ZNF101: variants seen among roughly 807,000 people sequenced by gnomAD.
The protein encoded by ZNF101 is zinc finger protein 101.
In ZNF101, 34 loss-of-function variants were observed where a neutral mutation model predicts 42.6. The ratio of observed to expected loss-of-function variants is 0.80; its 90% confidence interval spans 0.61 to 1.06. The LOEUF is 1.06. Among genes scored for constraint, ZNF101 ranks in the 50% least tolerant of loss-of-function variants. The pLI, the probability that ZNF101 is intolerant of heterozygous loss-of-function variation, is 0.00. For synonymous variants in ZNF101, 158 were observed against 183.9 expected (o/e 0.86, Z 1.14); for missense variants, 466 against 530.9 (o/e 0.88, Z 1.20).
intron 1 of ZNF101, chr19:19,677,454 A>AC (rs1300900659): frequency 5.6e-6 from 1 of 178,580 alleles, no homozygotes; most frequent in South Asian, 1.2e-4. Flanking sequence ...GTCTAAGTTG[A>AC]CCCCGATAGT....
intron 1 of ZNF101, chr19:19,677,011 CAT>C (rs2062206553): frequency 6.6e-6 from 1 of 152,160 alleles, no homozygotes; most frequent in South Asian, 2.1e-4. Context: ...TCTAGGAACA[CAT>C]GTTATCTTTC....
upstream of ZNF101, among the ~76,000 whole-genome samples, chr19:19,668,287 T>C (rs528125095): frequency 1.9e-4 from 29 of 152,134 alleles, no homozygotes; most frequent in South Asian, 5.0e-3. Context: ...CAGGGCTTTA[T>C]AGGGCGAGGA....
intron 1 of ZNF101, among the ~76,000 whole-genome samples, chr19:19,672,567 C>G (rs1446286305): frequency 3.3e-5 from 5 of 151,812 alleles, no homozygotes; most frequent in African/African-American, 1.2e-4. Context: ...TCTCTGTTGC[C>G]CAGGCTGGAG....
intron 1 of ZNF101, among the ~76,000 whole-genome samples, chr19:19,671,603 C>T (rs2062170742): frequency 6.6e-6 from 1 of 151,834 alleles, no homozygotes; most frequent in Admixed American, 6.6e-5. Flanking sequence ...GGGTTCACGC[C>T]ATTCTCCTGC....
upstream of ZNF101, among the ~76,000 whole-genome samples, chr19:19,668,253 G>A (rs1303583442): frequency 6.6e-6 from 1 of 152,104 alleles, no homozygotes; most frequent in East Asian, 1.9e-4. Flanking sequence ...AGTTAGAGGA[G>A]GCAGCCCCGC....
chr19:19,678,539 C>T (rs749123034), intron 2 of ZNF101, among the ~76,000 whole-genome samples, 187 bp from the exon 3 acceptor site: 20 of 151,462 alleles, frequency 1.3e-4, no homozygotes, highest in Non-Finnish European at 2.1e-4. Flanking sequence ...CACTAGAACT[C>T]AGGAGGCGGA....
chr19:19,679,382 G>T lies in ZNF101; in HGVS notation c.393G>T (p.Glu131Asp). 1 of 1,614,096 alleles carries T rather than the reference G, an allele frequency of 6.2e-7. No homozygotes were observed. Among genetic ancestry groups the T allele is most frequent in the African/African-American group, 1.3e-5 (1 of 75,040 alleles). The change falls in exon 4 of 4, where the codon GAG (glutamate) becomes GAT (aspartate). Residue 131 changes from glutamate to aspartate, a missense_variant. Glu to Asp is a conservative substitution (Grantham distance 45, BLOSUM62 2). Transcript: ENST00000592502. ...MRAHAGHKRS[E>D]CGGEWRETPR... ...CTCATGCTGGACACAAACGATCTGA[G>T]TGTGGTGGGGAATGGAGAGAGACGC... is the stretch of plus-strand genomic sequence containing the variant.
chr19:19,678,615 C>CA (rs71172513), intron 2 of ZNF101, 111 bp from the exon 3 acceptor site: 46,018 of 747,490 alleles, frequency 0.062, 3 homozygotes, highest in East Asian at 0.076. Context: ...ACTTTGTCTC[C>CA]AAAAAAAAAA....
chr19:19,675,815 C>A (rs1198325509), intron 1 of ZNF101, among the ~76,000 whole-genome samples: 1 of 152,042 alleles, frequency 6.6e-6, no homozygotes, highest in Non-Finnish European at 1.5e-5. Flanking sequence ...TTGAGAGGAG[C>A]CTGGGCAACA....
At chr19:19,675,597 A>C (rs2062197841) in intron 1 of ZNF101, among the ~76,000 whole-genome samples, 1 of 152,214 alleles carries the variant, frequency 6.6e-6, no homozygotes, top group South Asian at 2.1e-4. Context: ...TTCTGAAATT[A>C]AGCCTGAGTT....
At chr19:19,670,626 G>A (rs76313565) in intron 1 of ZNF101, among the ~76,000 whole-genome samples, 1 of 152,122 alleles carries the variant, frequency 6.6e-6, no homozygotes, top group Admixed American at 6.6e-5. Context: ...GTATGGTGGC[G>A]CATGCCTGTA....
chr19:19,668,705 C>A (rs760028813), upstream of ZNF101: 4 of 473,854 alleles, frequency 8.4e-6, no homozygotes, highest in African/African-American at 2.0e-5. Context: ...CCTCTCCTGT[C>A]GCTCAAGCCC....
rs1227111162 is a variant in ZNF101, at chr19:19,668,866, G to A, written c.-98G>A. On this transcript the variant is annotated 5_prime_UTR_variant, in exon 1 of 4. Coordinates refer to ENST00000592502, the MANE Select transcript of ZNF101 (RefSeq NM_033204.4). Reference sequence around the variant, plus strand: ...TCGGGTCCGGGTTTTAGTTCCTCGGGGAGCCCCTGGTGCCCCGGATACGGC... The same window carrying A: ...TCGGGTCCGGGTTTTAGTTCCTCGGAGAGCCCCTGGTGCCCCGGATACGGC... 1 of 1,444,190 alleles carries A rather than the reference G, an allele frequency of 6.9e-7. No homozygotes were observed. The highest frequency in any genetic ancestry group is 1.4e-5 in the African/African-American group (1 of 69,126). The allele number at this position is 1,444,190 out of a possible 1,614,324, so 89.5% of individuals were successfully genotyped here.
In ZNF101 at chr19:19,668,845, G is replaced by T. The variant is rs2062150078; in HGVS notation, c.-119G>T. The stretch of plus-strand genomic sequence containing the variant: ...CATTTCCCGCCGGCCCCCCATTCGG[G>T]TCCGGGTTTTAGTTCCTCGGGGAGC... On this transcript the variant is annotated 5_prime_UTR_variant, in exon 1 of 4. Transcript: ENST00000592502. 1 of 1,338,658 alleles carries T rather than the reference G, an allele frequency of 7.5e-7. No individual in the cohort carries two copies. Among genetic ancestry groups the T allele is most frequent in the Non-Finnish European group, 1.0e-6 (1 of 1,000,392 alleles). The allele number at this position is 1,338,658 out of a possible 1,614,324, so 82.9% of individuals were successfully genotyped here. A position where few individuals can be genotyped will look rare whatever the true frequency, so the allele number is the denominator to read the frequency against.
intron 1 of ZNF101, among the ~76,000 whole-genome samples, chr19:19,673,687 CTTTTTTTTTTTTTT>C (rs573395742): frequency 4.8e-5 from 4 of 82,874 alleles, no homozygotes; most frequent in Admixed American, 4.2e-4. Flanking sequence ...GCGTTCAATT[CTTTTTTTTTTTTTT>C]TTTTTTTTTG....
At chr19:19,669,084 C>T (rs2062153006) in intron 1 of ZNF101, 118 bp downstream of exon 1, 1 of 1,381,044 alleles carries the variant, frequency 7.2e-7, no homozygotes, top group Non-Finnish European at 9.7e-7. Context: ...GTCCCCCAGG[C>T]GCAGCTCGAC....
rs980831877 is a variant in ZNF101 at position 19,682,573 on chromosome 19, A to G, written c.*2273A>G. 3.9e-5 allele frequency: 6 copies of G among 152,260 alleles called. No homozygotes were observed. Among genetic ancestry groups the G allele is most frequent in the Middle Eastern group, 3.4e-3 (1 of 294 alleles). The allele number at this position is 152,260 out of a possible 1,614,324, so 9.4% of individuals were successfully genotyped here. ...TTGGATTATGGGTTTCCACTTTTGC[A>G]AGGAAATGTGAGAATGATACTCTTT... On this transcript the variant is annotated 3_prime_UTR_variant, in exon 4 of 4. Coordinates refer to ENST00000592502, the MANE Select transcript of ZNF101 (RefSeq NM_033204.4).
chr19:19,669,243 G>C (rs1599446019), intron 1 of ZNF101, among the ~76,000 whole-genome samples: 1 of 152,190 alleles, frequency 6.6e-6, no homozygotes, highest in African/African-American at 2.4e-5. Context: ...GGGTCTTAGG[G>C]GGAATCCCGC....
At chr19:19,678,631 T>A in intron 2 of ZNF101, 95 bp from the exon 3 acceptor site, 4 of 949,792 alleles carry the variant, frequency 4.2e-6, no homozygotes, top group Non-Finnish European at 4.5e-6. Flanking sequence ...AAAAAAAAAA[T>A]CAGGCATTGT....
Sources: allele counts gnomAD v4.1 joint callset (sites outside exome capture counted in the v4.1 genomes callset), GRCh38; gene constraint gnomAD v4.1.1; transcripts MANE v1.5; gene names NCBI Gene and HGNC (gene_info 2026-07-23, HGNC 2026-07-21).